MCC: variants seen among roughly 807,000 people sequenced by gnomAD.
MCC encodes the protein colorectal mutant cancer protein.
MCC carries 90 observed loss-of-function variants against 116.2 expected under a neutral mutation model. The observed-to-expected ratio is 0.77, with a 90% CI of 0.65 to 0.92. The LOEUF (loss-of-function observed/expected upper bound fraction) is 0.92. MCC is among the 40% of genes least tolerant of loss of function. MCC has a pLI of 0.00. For missense variants in MCC, 1,516 were observed against 1,312.2 expected (o/e 1.16, Z -2.40); for synonymous variants, 578 against 510.5 (o/e 1.13, Z -1.78).
intron 2 of MCC, among the ~76,000 whole-genome samples, chr5:113,360,721 T>C (rs1027764418): frequency 3.3e-5 from 5 of 152,254 alleles, no homozygotes; most frequent in Non-Finnish European, 7.3e-5. Flanking sequence ...GACAGAAATC[T>C]GTTCATAATC....
At chr5:113,349,750 T>C (rs1340969540) in intron 2 of MCC, among the ~76,000 whole-genome samples, 1 of 152,008 alleles carries the variant, frequency 6.6e-6, no homozygotes, top group Admixed American at 6.6e-5. Flanking sequence ...AGAAGTCAAA[T>C]TATCCTAGTT....
In MCC at chr5:113,414,584, C is replaced by T. The variant is rs151130805; in HGVS notation, c.171-29372G>A. Among the ~76,000 whole-genome samples, 40 of 152,252 alleles carry T rather than the reference C, an allele frequency of 2.6e-4. No homozygotes were observed. The East Asian group carries it at 7.7e-3, about 29-fold the overall frequency. On this transcript the variant is annotated intron_variant, in intron 1 of 18. Coordinates refer to ENST00000408903, the MANE Select transcript of MCC (RefSeq NM_001085377.2). ...TCCGTTTTATCAGAGACTAGAATTG[C>T]AACCCCTGCTTTTTTTTTGCTTCCA...
At chr5:113,324,901 T>C (rs1197072251) in intron 3 of MCC, among the ~76,000 whole-genome samples, 1 of 151,508 alleles carries the variant, frequency 6.6e-6, no homozygotes, top group Non-Finnish European at 1.5e-5. Context: ...GGTGCAGTCA[T>C]AGCTCACTGC....
At chr5:113,436,058 G>C (rs1770849264) in intron 1 of MCC, 1 of 152,406 alleles carries the variant, frequency 6.6e-6, no homozygotes, top group Non-Finnish European at 1.5e-5. Context: ...CATCCACCTA[G>C]AGGGAGTGAG....
chr5:113,274,976 A>C (rs949023994), intron 3 of MCC, among the ~76,000 whole-genome samples: 3 of 152,206 alleles, frequency 2.0e-5, no homozygotes, highest in African/African-American at 7.2e-5. Flanking sequence ...CTTGGCTTTC[A>C]GCATGCCAGT....
intron 9 of MCC, among the ~76,000 whole-genome samples, 199 bp from the exon 10 acceptor site, chr5:113,084,389 G>T (rs111865521): frequency 4.6e-5 from 7 of 152,176 alleles, no homozygotes; most frequent in Non-Finnish European, 8.8e-5. Flanking sequence ...ATTTTGGCTT[G>T]GATAATTCTT....
At position 113,133,869 on chromosome 5, in the gene MCC, T is replaced by C. The variant is rs185063448; in HGVS notation, c.884+9349A>G. 3.0e-3 allele frequency among the ~76,000 whole-genome samples: 460 copies of C among 152,354 alleles called. 3 individuals are homozygous for C. The highest frequency in any genetic ancestry group is 0.01 in the African/African-American group (434 of 41,592). On this transcript the variant is annotated intron_variant, in intron 5 of 18. Transcript: ENST00000408903. ...TTGTGATTTTGAATACTTTTTCATT[T>C]ACCTGTTGGCCATTTGTACGTCTTC...
chr5:113,184,846 A>G (rs1199506285), intron 3 of MCC, among the ~76,000 whole-genome samples: 2 of 152,182 alleles, frequency 1.3e-5, no homozygotes, highest in Non-Finnish European at 2.9e-5. Context: ...ATAATTACCA[A>G]CTGAAATAGA....
At chr5:113,343,652 C>G (rs1200059321) in intron 2 of MCC, among the ~76,000 whole-genome samples, 3 of 152,216 alleles carry the variant, frequency 2.0e-5, no homozygotes, top group African/African-American at 7.2e-5. Flanking sequence ...ACTCTCAGCA[C>G]CGTGCACATG....
chr5:113,144,405 G>C (rs780142016), intron 4 of MCC, among the ~76,000 whole-genome samples: 2 of 152,210 alleles, frequency 1.3e-5, no homozygotes, highest in Admixed American at 6.5e-5. Context: ...CCTGTCAGCA[G>C]AGGAACTTTA....
At chr5:113,137,216 G>A (rs1758892265) in intron 5 of MCC, among the ~76,000 whole-genome samples, 1 of 152,126 alleles carries the variant, frequency 6.6e-6, no homozygotes, top group African/African-American at 2.4e-5. Context: ...AGGAGGAACT[G>A]TCAACCACAT....
intron 3 of MCC, among the ~76,000 whole-genome samples, chr5:113,163,222 A>G (rs2165932): frequency 0.93 from 141,598 of 152,202 alleles, 65,995 homozygotes; most frequent in Non-Finnish European, 0.96. Context: ...GCATCTCAAT[A>G]GTACAAAAGA....
chr5:113,068,955 C>A (rs1450311845), intron 12 of MCC, among the ~76,000 whole-genome samples: 27 of 152,222 alleles, frequency 1.8e-4, no homozygotes, highest in Non-Finnish European at 7.3e-5. Flanking sequence ...AGTCATACAA[C>A]AATAGGTAGC....
intron 3 of MCC, among the ~76,000 whole-genome samples, chr5:113,213,920 T>G (rs1420481645): frequency 6.6e-6 from 1 of 152,084 alleles, no homozygotes; most frequent in Non-Finnish European, 1.5e-5. Context: ...CCCTGCAGGG[T>G]GCATCATTTA....
At chr5:113,483,156 T>C (rs1387232265) in intron 1 of MCC, among the ~76,000 whole-genome samples, 1 of 152,230 alleles carries the variant, frequency 6.6e-6, no homozygotes, top group Non-Finnish European at 1.5e-5. Flanking sequence ...AGTACCATAG[T>C]GTCTTAATTA....
intron 3 of MCC, among the ~76,000 whole-genome samples, chr5:113,171,039 T>C (rs1004129971): frequency 6.6e-6 from 1 of 152,060 alleles, no homozygotes; most frequent in African/African-American, 2.4e-5. Flanking sequence ...GTCAAAGGCA[T>C]GTGACCATGT....
At chr5:113,125,983 C>T (rs142490616) in intron 5 of MCC, among the ~76,000 whole-genome samples, 285 of 152,204 alleles carry the variant, frequency 1.9e-3, no homozygotes, top group Non-Finnish European at 2.5e-3. Context: ...AAAAATAGCA[C>T]CTCTGATAAA....
chr5:113,075,592 A>T (rs1308261121), intron 11 of MCC, among the ~76,000 whole-genome samples: 1 of 152,182 alleles, frequency 6.6e-6, no homozygotes. Flanking sequence ...AGGTTTGTAA[A>T]TGCACCAGTC....
chr5:113,422,239 T>C (rs1168517786), intron 1 of MCC, among the ~76,000 whole-genome samples: 3 of 151,546 alleles, frequency 2.0e-5, no homozygotes, highest in Non-Finnish European at 4.4e-5. Flanking sequence ...GTGAGGAGAC[T>C]GATTAGAGAT....
Sources: allele counts gnomAD v4.1 joint callset (sites outside exome capture counted in the v4.1 genomes callset), GRCh38; gene constraint gnomAD v4.1.1; transcripts MANE v1.5; gene names NCBI Gene and HGNC (gene_info 2026-07-23, HGNC 2026-07-21).